The following M1AP variants were observed in gnomAD, a reference collection of about 807,000 sequenced individuals.
The protein encoded by M1AP is meiosis 1 associated protein, also known as meiosis 1 arrest protein.
Under a neutral mutation model 51.2 loss-of-function variants are expected in M1AP, and 39 were observed. That is an observed-to-expected ratio of 0.76 (90% CI 0.59 to 1.00). The LOEUF (loss-of-function observed/expected upper bound fraction) is 1.00, where lower values mean the gene tolerates loss of function less well. Ranked by LOEUF, M1AP falls within the 50% of genes least tolerant of loss-of-function variation. The pLI is 0.00. For synonymous variants in M1AP, 251 were observed against 249.2 expected (o/e 1.01, Z -0.07); for missense variants, 545 against 641.2 (o/e 0.85, Z 1.62).
chr2:74,607,640 AT>A (rs749738643), intron 3 of M1AP, among the ~76,000 whole-genome samples: 3 of 151,514 alleles, frequency 2.0e-5, no homozygotes, highest in Non-Finnish European at 4.4e-5. Flanking sequence ...CACCCGGGTA[AT>A]TTTTTTTGTA....
intron 4 of M1AP, among the ~76,000 whole-genome samples, chr2:74,595,280 G>A (rs1680263929): frequency 2.0e-5 from 3 of 152,128 alleles, no homozygotes; most frequent in Admixed American, 2.0e-4. Flanking sequence ...CTCCCACAGT[G>A]CTGGGATTAC....
intron 4 of M1AP, among the ~76,000 whole-genome samples, chr2:74,600,545 T>C (rs1176410238): frequency 6.6e-6 from 1 of 152,132 alleles, no homozygotes; most frequent in Non-Finnish European, 1.5e-5. Flanking sequence ...GGTTGTAGGG[T>C]TGGCTTATAT....
intron 3 of M1AP, 52 bp downstream of exon 3, chr2:74,614,911 TA>T: frequency 6.7e-7 from 1 of 1,481,810 alleles, no homozygotes; most frequent in Non-Finnish European, 9.4e-7. Flanking sequence ...CAATGACCTA[TA>T]TGGACTGAAA....
intron 2 of M1AP, among the ~76,000 whole-genome samples, chr2:74,632,454 C>G (rs925954049): frequency 6.6e-6 from 1 of 152,282 alleles, no homozygotes; most frequent in Middle Eastern, 3.4e-3. Flanking sequence ...GAGAAGGAAG[C>G]CTTAAAGACA....
At chr2:74,637,090 G>A (rs531758190) in intron 2 of M1AP, among the ~76,000 whole-genome samples, 2 of 152,166 alleles carry the variant, frequency 1.3e-5, no homozygotes, top group East Asian at 1.9e-4. Flanking sequence ...ATCAGATGGC[G>A]TGAAGTTGCC....
chr2:74,622,683 C>G (rs377094054), intron 2 of M1AP, among the ~76,000 whole-genome samples: 2 of 150,036 alleles, frequency 1.3e-5, no homozygotes. Flanking sequence ...TAACTGATCA[C>G]AGAGAAATGG....
At chr2:74,625,829 C>T (rs1214609357) in intron 2 of M1AP, among the ~76,000 whole-genome samples, 1 of 152,232 alleles carries the variant, frequency 6.6e-6, no homozygotes, top group Admixed American at 6.5e-5. Flanking sequence ...GGCCTCCTGC[C>T]TGTACTAATG....
At position 74,574,999 on chromosome 2, in the gene M1AP, G is replaced by C. The variant is rs1678970333; in HGVS notation, c.1074+439C>G. Among the ~76,000 whole-genome samples the C allele has an allele frequency of 2.0e-5, 3 of 152,084 alleles. No homozygotes were observed. In the South Asian group the frequency reaches 6.2e-4, roughly 32 times the overall value. ...ATATACATTTCTGTTTCTTCCATTG[G>C]AGAGTGGGTTTCTTAAGGTCATAGG... On this transcript the variant is annotated intron_variant, in intron 7 of 10. Coordinates refer to ENST00000421985, the MANE Select transcript of M1AP (RefSeq NM_001321739.2).
At chr2:74,626,506 T>C (rs1024804564) in intron 2 of M1AP, among the ~76,000 whole-genome samples, 2 of 152,094 alleles carry the variant, frequency 1.3e-5, no homozygotes, top group Non-Finnish European at 2.9e-5. Context: ...CAATCCTCCC[T>C]CCTTGGCCTC....
chr2:74,562,304 C>T lies in M1AP; in HGVS notation c.1194G>A (p.Lys398=). The T allele has an allele frequency of 6.2e-7, 1 of 1,614,250 alleles. No homozygotes were observed. The highest frequency in any genetic ancestry group is 1.6e-4 in the Middle Eastern group (1 of 6,062). ...GCATCAGTTCCCGCGTGGCCACCGC[C>T]TTTACCAGCAGTGTGAGGGAGTGTG... is the stretch of plus-strand genomic sequence containing the variant. ...MPSHSLTLLV[K]AVATRELMLP... The change falls in exon 8 of 11, where the codon AAG becomes AAA. Residue 398 remains lysine, a synonymous_variant. Transcript: ENST00000421985.
At chr2:74,604,063 T>C (rs1441142609) in intron 4 of M1AP, among the ~76,000 whole-genome samples, 1 of 152,180 alleles carries the variant, frequency 6.6e-6, no homozygotes, top group Non-Finnish European at 1.5e-5. Flanking sequence ...AGATCTCCAC[T>C]TGACTTCCTG....
chr2:74,599,623 T>C (rs1558670628), intron 4 of M1AP, among the ~76,000 whole-genome samples: 1 of 152,190 alleles, frequency 6.6e-6, no homozygotes, highest in Non-Finnish European at 1.5e-5. Flanking sequence ...TCTATTCCTA[T>C]GTAAATATGA....
intron 7 of M1AP, among the ~76,000 whole-genome samples, chr2:74,572,408 A>G (rs1043878469): frequency 2.0e-5 from 3 of 151,674 alleles, no homozygotes; most frequent in African/African-American, 7.3e-5. Context: ...GCAGCCTTGA[A>G]CTCCTGGGCT....
intron 2 of M1AP, among the ~76,000 whole-genome samples, chr2:74,622,969 AC>A (rs1254031100): frequency 1.1e-4 from 16 of 151,694 alleles, no homozygotes; most frequent in East Asian, 1.9e-4. Flanking sequence ...AAAAAAAAAA[AC>A]AAACCCAAAA....
intron 7 of M1AP, 73 bp downstream of exon 7, chr2:74,575,361 GAGTT>G: frequency 6.3e-7 from 1 of 1,595,070 alleles, no homozygotes; most frequent in Non-Finnish European, 8.6e-7. Context: ...GGATTGGGCA[GAGTT>G]AGTTAGCTGC....
chr2:74,640,463 ATTT>A (rs757761825), intron 1 of M1AP, 136 bp from the exon 2 acceptor site: 1,407 of 514,312 alleles, frequency 2.7e-3, no homozygotes, highest in East Asian at 5.3e-3. Context: ...AGGCCATCCT[ATTT>A]TTTTTTTTTT....
chr2:74,626,117 C>A (rs1211965834), intron 2 of M1AP, among the ~76,000 whole-genome samples: 1 of 152,140 alleles, frequency 6.6e-6, no homozygotes, highest in African/African-American at 2.4e-5. Context: ...TTGGTGTGAA[C>A]CCCAGCCTCG....
chr2:74,570,829 T>C (rs183842925), intron 7 of M1AP, among the ~76,000 whole-genome samples: 1 of 152,310 alleles, frequency 6.6e-6, no homozygotes, highest in Non-Finnish European at 1.5e-5. Flanking sequence ...ACAAAGTATT[T>C]TTCAGCTGAG....
intron 7 of M1AP, among the ~76,000 whole-genome samples, chr2:74,564,237 G>A (rs1376593023): frequency 2.0e-5 from 3 of 152,184 alleles, no homozygotes; most frequent in African/African-American, 7.2e-5. Context: ...GACACATGCT[G>A]GGGTGGGTGT....
Sources: allele counts gnomAD v4.1 joint callset (sites outside exome capture counted in the v4.1 genomes callset), GRCh38; gene constraint gnomAD v4.1.1; transcripts MANE v1.5; gene names NCBI Gene and HGNC (gene_info 2026-07-23, HGNC 2026-07-21).